Variants in SYNE2 observed in about 807,000 individuals in gnomAD.
SYNE2 encodes spectrin repeat containing nuclear envelope protein 2.
SYNE2 carries 431 observed loss-of-function variants against 856.3 expected under a neutral mutation model. The ratio of observed to expected loss-of-function variants is 0.50; its 90% CI spans 0.47 to 0.55. SYNE2 has a LOEUF of 0.55. Ranked by LOEUF, SYNE2 falls within the 20% of genes least tolerant of loss-of-function variation. The pLI is 0.00. For synonymous variants in SYNE2, 2,923 were observed against 2,872.3 expected (o/e 1.02, Z -0.56); for missense variants, 8,129 against 8,023.2 (o/e 1.01, Z -0.50).
intron 1 of SYNE2, among the ~76,000 whole-genome samples, chr14:63,899,764 A>C (rs1302764400): frequency 1.3e-5 from 2 of 152,108 alleles, no homozygotes; most frequent in East Asian, 3.8e-4. Context: ...GGCTTCCCAC[A>C]GTGCTGGGAT....
chr14:64,100,233 A>G (rs2153638121), intron 63 of SYNE2: 1 of 152,122 alleles, frequency 6.6e-6, no homozygotes, highest in East Asian at 1.9e-4. Context: ...CGCAAGAACA[A>G]AAAACCAAAC....
intron 94 of SYNE2, among the ~76,000 whole-genome samples, chr14:64,171,662 G>A (rs2098411436): frequency 6.6e-6 from 1 of 152,162 alleles, no homozygotes; most frequent in Admixed American, 6.5e-5. Context: ...CAGCACAGAG[G>A]AACGGCAAAA....
In SYNE2 at chr14:64,065,481, G is replaced by A. The variant is rs1203023377; in HGVS notation, c.10262G>A (p.Arg3421Gln). The A allele has an allele frequency of 4.3e-6, 7 of 1,614,038 alleles. No individual in the cohort carries two copies. The highest frequency in any genetic ancestry group is 3.3e-5 in the South Asian group (3 of 91,070). ...ISTKEELMKL[R>Q]QILRLLRLRC... ...ACCAAAGAAGAGTTAATGAAACTAC[G>A]ACAGATCCTTAGACTCTTGAGACTC... The change falls in exon 51 of 116, where the codon CGA becomes CAA. Residue 3421 changes from arginine (R) to glutamine (Q), a missense_variant. By Grantham distance (43) the Arg-to-Gln change is conservative (BLOSUM62 1). Transcript: ENST00000555002.
At chr14:64,007,341 G>C in intron 31 of SYNE2, 119 bp downstream of exon 31, 1 of 951,364 alleles carries the variant, frequency 1.1e-6, no homozygotes. Context: ...CAAACATAAG[G>C]ATTTCCTGCT....
chr14:63,926,427 T>G (rs745674407), intron 2 of SYNE2, among the ~76,000 whole-genome samples: 18 of 152,188 alleles, frequency 1.2e-4, no homozygotes, highest in Admixed American at 3.3e-4. Context: ...TGCCAGGGAT[T>G]GACAAACTTT....
intron 81 of SYNE2, 35 bp from the exon 82 acceptor site, chr14:64,141,907 C>T: frequency 1.9e-6 from 3 of 1,611,296 alleles, no homozygotes; most frequent in Non-Finnish European, 2.5e-6. Flanking sequence ...TTGTTAACTG[C>T]AGGCAATTAA....
At position 64,218,492 on chromosome 14, in the gene SYNE2, G is replaced by A. The variant is rs2098677440; in HGVS notation, c.19637G>A (p.Gly6546Asp). The change falls in exon 109 of 116, where the codon GGT (glycine) becomes GAT (aspartate). Residue 6546 changes from glycine to aspartate, a missense_variant. Gly to Asp is a moderately conservative substitution (Grantham distance 94). Coordinates refer to ENST00000555002, the MANE Select transcript of SYNE2 (RefSeq NM_182914.3). Reference protein sequence around the residue: ...NPQQEDGGLAGITEQQSGAFD... With the variant: ...NPQQEDGGLADITEQQSGAFD... ...CAGCAGGAAGACGGGGGACTGGCCG[G>A]TATCACAGAGCAGCAGTCAGGTACT... 6.2e-7 allele frequency: 1 copy of A among 1,613,838 alleles called. No individual in the cohort carries two copies. Among genetic ancestry groups the A allele is most frequent in the African/African-American group, 1.3e-5 (1 of 74,924 alleles).
intron 84 of SYNE2, among the ~76,000 whole-genome samples, chr14:64,149,790 T>C (rs552027891): frequency 3.3e-5 from 5 of 152,270 alleles, no homozygotes; most frequent in Admixed American, 1.3e-4. Context: ...CCCTGATTTA[T>C]GTGTAGCAAA....
At chr14:63,938,883 A>C (rs1289684195) in intron 2 of SYNE2, among the ~76,000 whole-genome samples, 2 of 152,198 alleles carry the variant, frequency 1.3e-5, no homozygotes, top group African/African-American at 4.8e-5. Context: ...CAGAGTCTTA[A>C]CAGGAATTAG....
intron 107 of SYNE2, chr14:64,215,589 G>A: frequency 1.7e-6 from 1 of 592,342 alleles, no homozygotes; most frequent in Non-Finnish European, 3.0e-6. Flanking sequence ...CTTCAGGCCT[G>A]TGCAGAGGGA....
intron 50 of SYNE2, among the ~76,000 whole-genome samples, chr14:64,064,232 C>T (rs2097340196): frequency 6.6e-6 from 1 of 152,160 alleles, no homozygotes; most frequent in African/African-American, 2.4e-5. Context: ...TTTGATACCA[C>T]AACAGTTGAT....
rs765475277 is a variant in SYNE2 at position 64,056,133 on chromosome 14, G to C, written c.9934G>C (p.Asp3312His). The C allele has an allele frequency of 4.3e-6, 7 of 1,614,044 alleles. No homozygotes were observed. The highest frequency in any genetic ancestry group is 5.1e-6 in the Non-Finnish European group (6 of 1,179,978). Residue 3312 changes from aspartate to histidine, a missense_variant, in exon 49 of 116, where the codon GAC becomes CAC. Asp to His is a moderately conservative substitution (Grantham distance 81). This residue lies in a region of SYNE2 where 5,410 missense variants were observed against 5,284.8 expected (regional missense o/e 1.02). Coordinates refer to ENST00000555002, the MANE Select transcript of SYNE2 (RefSeq NM_182914.3). ...GGAATCCACAGTAGCACACATCCAGGACCTCACTGAGAAACTGGGAATGAT... is the reference window on the plus strand; with the variant it reads ...GGAATCCACAGTAGCACACATCCAGCACCTCACTGAGAAACTGGGAATGAT... ...ELESTVAHIQ[D>H]LTEKLGMISS...
At chr14:63,948,782 G>GTGTGTGTCTATATA (rs1454688156) in intron 6 of SYNE2, among the ~76,000 whole-genome samples, 4 of 43,900 alleles carry the variant, frequency 9.1e-5, no homozygotes, top group African/African-American at 3.2e-4. Flanking sequence ...ATGTGTGTGT[G>GTGTGTGTCTATATA]TATATATATA....
Position 64,087,697 on chromosome 14 carries a change from GCA to G in SYNE2, c.11514_11515del (p.His3838GlnfsTer18). The G allele has an allele frequency of 6.2e-7, 1 of 1,614,032 alleles. No homozygotes were observed. Among genetic ancestry groups the G allele is most frequent in the South Asian group, 1.1e-5 (1 of 91,086 alleles). ...QMALEDSEQK[H>X]NLLHSIFMDL... ...TGGCTTTGGAAGATTCAGAACAGAA[GCA>G]CAATCTTTTACATTCAATCTTTATG... On this transcript the variant is annotated frameshift_variant, in exon 58 of 116. Transcript: ENST00000555002. LOFTEE classifies it high-confidence loss of function.
chr14:64,051,882 G>T lies in SYNE2; in HGVS notation c.7969G>T (p.Glu2657Ter). Residue 2657 changes from glutamate (E) to a stop codon, truncating the protein, a stop_gained, in exon 48 of 116, where the codon GAA becomes TAA. Coordinates refer to ENST00000555002, the MANE Select transcript of SYNE2 (RefSeq NM_182914.3). LOFTEE classifies it high-confidence loss of function. ...QHLQLRLKSP[E>*]ERAGNQSMIA... ...TCTACAGTTAAGGCTGAAGTCTCCA[G>T]AAGAACGGGCAGGGAACCAAAGCAT... The T allele has an allele frequency of 6.2e-7, 1 of 1,613,986 alleles. No individual in the cohort carries two copies. Among genetic ancestry groups the T allele is most frequent in the Non-Finnish European group, 8.5e-7 (1 of 1,180,036 alleles).
chr14:64,012,225 C>T (rs2096852086), intron 32 of SYNE2, among the ~76,000 whole-genome samples: 1 of 152,220 alleles, frequency 6.6e-6, no homozygotes, highest in Non-Finnish European at 1.5e-5. Context: ...TACCTCGTCT[C>T]CTCCTAGACC....
intron 1 of SYNE2, among the ~76,000 whole-genome samples, chr14:63,787,733 G>A (rs921758373): frequency 1.3e-5 from 2 of 152,330 alleles, no homozygotes; most frequent in South Asian, 2.1e-4. Flanking sequence ...ACCTCGGAGA[G>A]GACAAAGTGC....
At chr14:63,765,662 G>A (rs1886651489) in intron 1 of SYNE2, among the ~76,000 whole-genome samples, 1 of 152,030 alleles carries the variant, frequency 6.6e-6, no homozygotes, top group Non-Finnish European at 1.5e-5. Flanking sequence ...CAGCCCATAT[G>A]TCATCGACTT....
At chr14:63,811,686 GA>G (rs1336606719) in intron 1 of SYNE2, among the ~76,000 whole-genome samples, 1 of 152,156 alleles carries the variant, frequency 6.6e-6, no homozygotes, top group African/African-American at 2.4e-5. Context: ...TTGGCTGGCT[GA>G]GAAAAAGAAA....
Sources: allele counts gnomAD v4.1 joint callset (sites outside exome capture counted in the v4.1 genomes callset), GRCh38; gene constraint gnomAD v4.1.1; regional missense constraint gnomAD v4.1.1; transcripts MANE v1.5; gene names NCBI Gene and HGNC (gene_info 2026-07-23, HGNC 2026-07-21).